The following FAM120C variants were observed in gnomAD, a reference collection of about 807,000 sequenced individuals.
FAM120C encodes the protein family with sequence similarity 120 member C, also known as constitutive coactivator of PPAR-gamma-like protein 2.
In FAM120C, 14 loss-of-function variants were observed where a neutral mutation model predicts 71.2. The observed-to-expected ratio is 0.20, with a 90% CI of 0.13 to 0.31. The LOEUF is 0.31. FAM120C is among the 10% of genes least tolerant of loss of function. The pLI, the probability that FAM120C is intolerant of heterozygous loss-of-function variation, is 1.00. For synonymous variants in FAM120C, 354 were observed against 353.2 expected (o/e 1.00, Z -0.03); for missense variants, 500 against 879.0 (o/e 0.57, Z 5.45).
rs782275423 is a variant in FAM120C, at chrX:54,157,364, C to T, written c.1029+325G>A. Among the ~76,000 whole-genome samples the T allele has an allele frequency of 3.6e-5, 4 of 110,641 alleles. No homozygotes were observed. In the South Asian group the frequency reaches 1.2e-3, roughly 32 times the overall value. On this transcript the variant is annotated intron_variant, in intron 3 of 15. Coordinates refer to ENST00000375180, the MANE Select transcript of FAM120C (RefSeq NM_017848.6). ...CTGCCTCCCAGGTTCAAGCGATTCT[C>T]CTGTCTTAGCCTCCTGAGTAGCTGG...
At chrX:54,078,748 G>A (rs1361858793) in intron 15 of FAM120C, among the ~76,000 whole-genome samples, 2 of 110,847 alleles carry the variant, frequency 1.8e-5, no homozygotes, top group East Asian at 5.6e-4. Flanking sequence ...CCAGCAGTTT[G>A]AGTCTACTAC....
In FAM120C at chrX:54,132,704, G is replaced by A; in HGVS notation, c.2050C>T (p.Leu684=). The A allele has an allele frequency of 8.3e-7, 1 of 1,203,405 alleles. No individual in the cohort carries two copies. Among genetic ancestry groups the A allele is most frequent in the East Asian group, 3.0e-5 (1 of 33,716 alleles). The change falls in exon 9 of 16, where the codon CTG becomes TTG. Residue 684 remains leucine (L), a synonymous_variant. Transcript: ENST00000375180. ...GAACTACACTTACCTTCCACAGGCA[G>A]CCGCCGTCGCATGGCCAAGCGTTCC... ...KMERLAMRRR[L]PVEVPSVILK... is the part of the protein sequence containing the mutation.
chrX:54,167,641 T>C (rs1198035290), intron 1 of FAM120C, among the ~76,000 whole-genome samples: 1 of 109,881 alleles, frequency 9.1e-6, no homozygotes, highest in Non-Finnish European at 1.9e-5. Context: ...AGTGGGGTGA[T>C]GGTTTTTGAG....
Position 54,072,390 on chromosome X carries a change from T to C in FAM120C, c.*643A>G, listed in dbSNP as rs1348437898. The C allele has an allele frequency of 3.6e-5, 4 of 110,462 alleles. No individual in the cohort carries two copies. The highest frequency in any genetic ancestry group is 7.6e-5 in the Non-Finnish European group (4 of 52,866). The allele number at this position is 110,462 out of a possible 1,213,427, so 9.1% of individuals were successfully genotyped here. A position where few individuals can be genotyped will look rare whatever the true frequency, so the allele number is the denominator to read the frequency against. On this transcript the variant is annotated 3_prime_UTR_variant, in exon 16 of 16. Transcript: ENST00000375180. Reference sequence around the variant, plus strand: ...AATCCCCCAGTACAAAGGCCATTGATAGTTTTTTTGAAGTGTATAAAATAA... The same window carrying C: ...AATCCCCCAGTACAAAGGCCATTGACAGTTTTTTTGAAGTGTATAAAATAA...
At chrX:54,088,591 C>CAAAAAAAAAAAAAA (rs1230524883) in intron 11 of FAM120C, among the ~76,000 whole-genome samples, 1 of 32,928 alleles carries the variant, frequency 3.0e-5, no homozygotes, top group Non-Finnish European at 4.5e-5. Flanking sequence ...GACTCCATCT[C>CAAAAAAAAAAAAAA]AAAAAAAAAA....
At chrX:54,128,583 A>G (rs1415407901) in intron 9 of FAM120C, among the ~76,000 whole-genome samples, 1 of 110,823 alleles carries the variant, frequency 9.0e-6, no homozygotes, top group Non-Finnish European at 1.9e-5. Context: ...ACAAGTGAAC[A>G]AAGGTCTCTG....
intron 1 of FAM120C, among the ~76,000 whole-genome samples, chrX:54,172,868 C>T (rs782451990): frequency 8.9e-6 from 1 of 112,109 alleles, no homozygotes; most frequent in Non-Finnish European, 1.9e-5. Flanking sequence ...CCACTGGCTA[C>T]GTATACAGCT....
At chrX:54,152,105 C>T (rs1253428168) in intron 3 of FAM120C, among the ~76,000 whole-genome samples, 9 of 108,248 alleles carry the variant, frequency 8.3e-5, no homozygotes, top group Non-Finnish European at 1.5e-4. Context: ...GCAACCTCTG[C>T]TTCCCGGGTT....
intron 3 of FAM120C, among the ~76,000 whole-genome samples, chrX:54,155,205 A>AAAAC (rs782445926): frequency 1.2e-4 from 13 of 111,508 alleles, no homozygotes; most frequent in Admixed American, 5.8e-4. Context: ...CCGTGTCTCA[A>AAAAC]AAACAAACAA....
chrX:54,091,844 G>A (rs1168361402), intron 10 of FAM120C, among the ~76,000 whole-genome samples: 1 of 111,567 alleles, frequency 9.0e-6, no homozygotes, highest in Non-Finnish European at 1.9e-5. Flanking sequence ...TGATGGTGTG[G>A]TTCAGCACAA....
intron 4 of FAM120C, among the ~76,000 whole-genome samples, chrX:54,150,984 G>T (rs782697556): frequency 1.8e-5 from 2 of 111,136 alleles, no homozygotes; most frequent in African/African-American, 6.5e-5. Context: ...CAAAGTGCTG[G>T]GAGTACAGGT....
chrX:54,103,577 A>G (rs2066892233), intron 10 of FAM120C, among the ~76,000 whole-genome samples: 1 of 111,859 alleles, frequency 8.9e-6, no homozygotes, highest in South Asian at 3.7e-4. Flanking sequence ...TAAAAAATGC[A>G]TCTCTTCCTC....
rs186768963 is a variant in FAM120C at position 54,166,468 on chromosome X, T to C, written c.700-6852A>G. Among the ~76,000 whole-genome samples the C allele has an allele frequency of 1.2e-4, 14 of 112,260 alleles. No individual in the cohort carries two copies. In the East Asian group the frequency reaches 2.5e-3, roughly 20 times the overall value. ...TCCTTTGCAAACACAAAATATTTAC[T>C]GGAGCATTATTTGTAATAGGTGAAG... is the stretch of plus-strand genomic sequence containing the variant. On this transcript the variant is annotated intron_variant, in intron 1 of 15. Coordinates refer to ENST00000375180, the MANE Select transcript of FAM120C (RefSeq NM_017848.6).
chrX:54,105,037 A>G (rs1307954574), intron 10 of FAM120C, among the ~76,000 whole-genome samples: 2 of 111,460 alleles, frequency 1.8e-5, no homozygotes, highest in Non-Finnish European at 3.8e-5. Flanking sequence ...AAAAAGAGGG[A>G]ATCCTCCCTA....
intron 9 of FAM120C, among the ~76,000 whole-genome samples, chrX:54,124,030 C>CG (rs1210319005): frequency 2.2e-5 from 1 of 45,692 alleles, no homozygotes; most frequent in Admixed American, 2.8e-4. Context: ...TTAGGCTGCT[C>CG]GGGGGTCAGG....
rs73210484 is a variant in FAM120C at position 54,089,310 on chromosome X, T to C, written c.2428-1346A>G. 5.7e-3 allele frequency among the ~76,000 whole-genome samples: 634 copies of C among 111,728 alleles called. 2 individuals are homozygous for C. The highest frequency in any genetic ancestry group is 9.8e-3 in the Non-Finnish European group (520 of 53,162). On this transcript the variant is annotated intron_variant, in intron 11 of 15. Coordinates refer to ENST00000375180, the MANE Select transcript of FAM120C (RefSeq NM_017848.6). ...CTACCTCAACTATGTAAAAAATGTA[T>C]GACAGAAGACTGGAAAAAAACCTCA...
intron 9 of FAM120C, among the ~76,000 whole-genome samples, chrX:54,125,094 A>T (rs1330340007): frequency 9.1e-6 from 1 of 110,241 alleles, no homozygotes; most frequent in Non-Finnish European, 1.9e-5. Context: ...TCACACCTGT[A>T]ATCCCAGTTG....
At chrX:54,113,776 C>A (rs1319654688) in intron 10 of FAM120C, among the ~76,000 whole-genome samples, 3 of 108,495 alleles carry the variant, frequency 2.8e-5, no homozygotes, top group African/African-American at 1.0e-4. Context: ...ATTAGCCGGG[C>A]GTGGTGGTGC....
chrX:54,146,099 T>C (rs1427877822), intron 4 of FAM120C, among the ~76,000 whole-genome samples: 1 of 109,698 alleles, frequency 9.1e-6, no homozygotes, highest in Non-Finnish European at 1.9e-5. Context: ...TAGGTGGGAA[T>C]TGAACAATGA....
Sources: gnomAD v4.1 joint callset for allele counts (sites outside exome capture counted in the v4.1 genomes callset) on GRCh38, gnomAD v4.1.1 for gene constraint, MANE v1.5 for transcripts, NCBI Gene and HGNC (gene_info 2026-07-23, HGNC 2026-07-21) for gene names.